Variants in AGBL4 observed in about 807,000 individuals in gnomAD.
AGBL4 encodes AGBL carboxypeptidase 4, also known as cytosolic carboxypeptidase 6.
AGBL4 carries 58 observed loss-of-function variants against 66.4 expected under a neutral mutation model. The observed-to-expected ratio is 0.87, with a 90% CI of 0.71 to 1.09. The LOEUF is 1.09. Ranked by LOEUF, AGBL4 falls within the 50% of genes least tolerant of loss-of-function variation. AGBL4 has a pLI of 0.00. For synonymous variants in AGBL4, 234 were observed against 222.9 expected, an observed-to-expected ratio of 1.05 and a Z score of -0.44; for missense variants, 579 against 631.0, an observed-to-expected ratio of 0.92 and a Z score of 0.88.
intron 1 of AGBL4, among the ~76,000 whole-genome samples, chr1:49,999,811 ATAAAG>A (rs1463966924): frequency 1.3e-5 from 2 of 152,200 alleles, no homozygotes; most frequent in Non-Finnish European, 2.9e-5. Context: ...AAACAAAAAC[ATAAAG>A]TAGAGAGAGG....
chr1:48,634,437 C>A, intron 9 of AGBL4, 56 bp downstream of exon 9: 1 of 1,420,234 alleles, frequency 7.0e-7, no homozygotes. Context: ...TACAATGCTG[C>A]CCTTTCCCAG....
intron 1 of AGBL4, among the ~76,000 whole-genome samples, chr1:49,990,353 A>G (rs1451103390): frequency 6.6e-6 from 1 of 152,180 alleles, no homozygotes; most frequent in Non-Finnish European, 1.5e-5. Flanking sequence ...TGTTCTCATA[A>G]TAGTGAGTGA....
intron 1 of AGBL4, among the ~76,000 whole-genome samples, chr1:49,877,795 C>A (rs1647066115): frequency 6.6e-6 from 1 of 150,668 alleles, no homozygotes; most frequent in South Asian, 2.1e-4. Flanking sequence ...GTCCTGGACT[C>A]TTTTTGGTTG....
intron 3 of AGBL4, among the ~76,000 whole-genome samples, chr1:49,404,183 C>T (rs2148616131): frequency 6.6e-6 from 1 of 152,130 alleles, no homozygotes. Context: ...GAGATACAGT[C>T]TCAGAGGAAA....
rs959800041 is a variant in AGBL4, at chr1:48,870,157, C to T, written c.595-2927G>A. ...TCCCAAACCTAACCACTTTATCTCCCTTCCTCAGAACAGAATTTCACACTT... is the reference window on the plus strand; with the variant it reads ...TCCCAAACCTAACCACTTTATCTCCTTTCCTCAGAACAGAATTTCACACTT... On this transcript the variant is annotated intron_variant, in intron 5 of 13. Coordinates refer to ENST00000371839, the MANE Select transcript of AGBL4 (RefSeq NM_032785.4). Among the ~76,000 whole-genome samples, 9 of 152,012 alleles carry T rather than the reference C, an allele frequency of 5.9e-5. No homozygotes were observed. The East Asian group carries it at 1.6e-3, about 26-fold the overall frequency.
At chr1:48,720,669 C>T (rs1290092597) in intron 6 of AGBL4, among the ~76,000 whole-genome samples, 1 of 152,168 alleles carries the variant, frequency 6.6e-6, no homozygotes, top group Non-Finnish European at 1.5e-5. Context: ...AAAACATCAC[C>T]ATAACTATAT....
In AGBL4 at chr1:49,473,705, T is replaced by C. The variant is rs553718047; in HGVS notation, c.282+223608A>G. Among the ~76,000 whole-genome samples, 8 of 152,166 alleles carry C rather than the reference T, an allele frequency of 5.3e-5. No homozygotes were observed. In the East Asian group the frequency reaches 1.5e-3, roughly 29 times the overall value. On this transcript the variant is annotated intron_variant, in intron 3 of 13. Transcript: ENST00000371839. ...TAAGGATTTAGTCATATTCTTTGCA[T>C]AGATCAATGTCTAGAAGAGTATTTC...
At chr1:48,657,895 G>A (rs7556311) in intron 7 of AGBL4, among the ~76,000 whole-genome samples, 18,548 of 152,212 alleles carry the variant, frequency 0.12, 2,291 homozygotes, top group African/African-American at 0.32. Flanking sequence ...AACTTACATT[G>A]TGGTTTAAGT....
chr1:49,239,307 A>T (rs1251310411), intron 4 of AGBL4, among the ~76,000 whole-genome samples: 1 of 152,192 alleles, frequency 6.6e-6, no homozygotes, highest in African/African-American at 2.4e-5. Context: ...TTTGGAGAAC[A>T]TGTATAACAG....
chr1:49,644,606 G>T (rs530328882), intron 3 of AGBL4, among the ~76,000 whole-genome samples: 1 of 151,604 alleles, frequency 6.6e-6, no homozygotes, highest in East Asian at 1.9e-4. Context: ...ACAGAGTTTT[G>T]AAAATCCTGA....
chr1:48,650,621 A>T (rs1645913944), intron 8 of AGBL4, among the ~76,000 whole-genome samples: 1 of 152,176 alleles, frequency 6.6e-6, no homozygotes, highest in Non-Finnish European at 1.5e-5. Flanking sequence ...AAGTTAAACA[A>T]AGTTCCTCCA....
intron 1 of AGBL4, among the ~76,000 whole-genome samples, chr1:49,979,242 A>C (rs1397299516): frequency 6.6e-6 from 1 of 151,574 alleles, no homozygotes; most frequent in Non-Finnish European, 1.5e-5. Flanking sequence ...CGGGTGGATC[A>C]TGAGGTCAGG....
At chr1:49,226,043 T>G (rs768973499) in intron 4 of AGBL4, among the ~76,000 whole-genome samples, 8 of 152,192 alleles carry the variant, frequency 5.3e-5, no homozygotes, top group African/African-American at 1.9e-4. Context: ...TCAGGGAGAT[T>G]AAGTAGTTTG....
intron 2 of AGBL4, among the ~76,000 whole-genome samples, chr1:49,787,489 C>G (rs1034634168): frequency 5.4e-4 from 78 of 144,052 alleles, no homozygotes; most frequent in African/African-American, 1.8e-3. Context: ...GGCGACAGAG[C>G]GAGACTCTGT....
chr1:48,800,133 A>AT (rs760102843), intron 6 of AGBL4, among the ~76,000 whole-genome samples: 1 of 151,938 alleles, frequency 6.6e-6, no homozygotes, highest in African/African-American at 2.4e-5. Flanking sequence ...GGTCCTGGAC[A>AT]TTTTTTTGTT....
intron 9 of AGBL4, among the ~76,000 whole-genome samples, chr1:48,629,143 T>A (rs1645552656): frequency 6.6e-6 from 1 of 152,202 alleles, no homozygotes; most frequent in African/African-American, 2.4e-5. Flanking sequence ...CATAGTTAGA[T>A]GCTAGTGGAG....
Position 49,284,515 on chromosome 1 carries a change from T to C in AGBL4, c.283-38651A>G, listed in dbSNP as rs966558109. Among the ~76,000 whole-genome samples, 511 of 151,866 alleles carry C rather than the reference T, an allele frequency of 3.4e-3. 3 individuals carry two copies. Among genetic ancestry groups the C allele is most frequent in the Non-Finnish European group, 5.4e-3 (366 of 67,934 alleles). ...TCATAATGACAGGATCAAATTCACA[T>C]ATAACAATATTAACTTTAAATGTAA... On this transcript the variant is annotated intron_variant, in intron 3 of 13. Coordinates refer to ENST00000371839, the MANE Select transcript of AGBL4 (RefSeq NM_032785.4).
intron 1 of AGBL4, among the ~76,000 whole-genome samples, chr1:49,862,634 T>C (rs1304862463): frequency 6.6e-6 from 1 of 152,002 alleles, no homozygotes; most frequent in Non-Finnish European, 1.5e-5. Flanking sequence ...GAAAGGACCC[T>C]AAAAGCAGCA....
chr1:49,687,694 G>T (rs745484203), intron 3 of AGBL4, among the ~76,000 whole-genome samples: 7 of 151,874 alleles, frequency 4.6e-5, no homozygotes, highest in Admixed American at 1.3e-4. Flanking sequence ...AGGATTGCTT[G>T]AACCCAGGAG....
Sources: gnomAD v4.1 joint callset for allele counts (sites outside exome capture counted in the v4.1 genomes callset) on GRCh38, gnomAD v4.1.1 for gene constraint, MANE v1.5 for transcripts, NCBI Gene and HGNC (gene_info 2026-07-23, HGNC 2026-07-21) for gene names.